The following CACNA1C variants were observed in gnomAD, a reference collection of about 807,000 sequenced individuals.
The protein encoded by CACNA1C is voltage-dependent L-type calcium channel subunit alpha-1C.
CACNA1C carries 30 observed loss-of-function variants against 229.0 expected under a neutral mutation model. The observed-to-expected ratio is 0.13, with a 90% CI of 0.10 to 0.18. The LOEUF is 0.18. Ranked by LOEUF, CACNA1C falls within the 10% of genes least tolerant of loss-of-function variation. The probability of loss-of-function intolerance (pLI) is 1.00; values close to 1 mark genes in which losing one functional copy is unlikely to be tolerated. For synonymous variants in CACNA1C, 1,114 were observed against 1,132.5 expected (o/e 0.98, Z 0.33); for missense variants, 1,658 against 2,845.0 (o/e 0.58, Z 9.49).
Position 2,688,497 on chromosome 12 carries a change from T to G in CACNA1C, c.5835T>G (p.Pro1945=). ...LSPLLQRSHS[P]ASFPRPFATP... ...CCCTCCTCCAGAGAAGCCATTCCCCTGCCTCATTCCCTAGGCCTTTTGCCA... is the reference window on the plus strand; with the variant it reads ...CCCTCCTCCAGAGAAGCCATTCCCCGGCCTCATTCCCTAGGCCTTTTGCCA... Residue 1945 remains proline (P), a synonymous_variant, in exon 46 of 47, where the codon CCT becomes CCG. Transcript: ENST00000399655. The G allele has an allele frequency of 6.2e-7, 1 of 1,613,866 alleles. No homozygotes were observed. The highest frequency in any genetic ancestry group is 8.5e-7 in the Non-Finnish European group (1 of 1,179,868).
intron 3 of CACNA1C, among the ~76,000 whole-genome samples, chr12:2,376,856 G>A (rs1219648254): frequency 6.6e-6 from 1 of 152,160 alleles, no homozygotes; most frequent in Admixed American, 6.5e-5. Context: ...GGTGAAAGAT[G>A]GTGGTGCCCT....
chr12:2,582,203 A>G (rs746202632), intron 14 of CACNA1C, among the ~76,000 whole-genome samples: 5 of 152,098 alleles, frequency 3.3e-5, no homozygotes, highest in Non-Finnish European at 7.4e-5. Flanking sequence ...ATGAAAGCCC[A>G]AAACATAAAG....
chr12:1,987,750 A>G (rs1348813653), intron 1 of CACNA1C, among the ~76,000 whole-genome samples: 1 of 152,168 alleles, frequency 6.6e-6, no homozygotes, highest in Non-Finnish European at 1.5e-5. Flanking sequence ...TCCTTCCAAT[A>G]TAATGCTTTC....
intron 3 of CACNA1C, among the ~76,000 whole-genome samples, chr12:2,421,319 A>G (rs1315356884): frequency 1.4e-4 from 22 of 152,238 alleles, no homozygotes; most frequent in Admixed American, 1.4e-3. Context: ...AAGGAAAAGC[A>G]AGACTCAGTC....
chr12:2,230,198 G>C (rs1348650951), intron 3 of CACNA1C, among the ~76,000 whole-genome samples: 3 of 152,146 alleles, frequency 2.0e-5, no homozygotes, highest in Non-Finnish European at 2.9e-5. Flanking sequence ...GGCTGCTGCC[G>C]AGCTCCGCAG....
chr12:2,661,280 TACAC>T (rs1210712672), intron 34 of CACNA1C, among the ~76,000 whole-genome samples: 4,260 of 123,432 alleles, frequency 0.035, 173 homozygotes, highest in African/African-American at 0.13. Context: ...TACACACACA[TACAC>T]ACACACACAC....
intron 9 of CACNA1C, among the ~76,000 whole-genome samples, chr12:2,535,638 T>G (rs1353910617): frequency 6.9e-6 from 1 of 145,120 alleles, no homozygotes; most frequent in African/African-American, 2.6e-5. Context: ...CCCGGGAGTT[T>G]TAGGCTGCTG....
chr12:2,641,908 G>T, intron 30 of CACNA1C: 1 of 644,234 alleles, frequency 1.6e-6, no homozygotes, highest in South Asian at 1.7e-5. Context: ...CCTAGAAGTG[G>T]GATGAAGCAT....
chr12:2,442,032 G>A (rs974274322), intron 3 of CACNA1C, among the ~76,000 whole-genome samples: 32 of 152,174 alleles, frequency 2.1e-4, no homozygotes, highest in Non-Finnish European at 4.1e-4. Flanking sequence ...AATAGACCCA[G>A]AGAAGTAGAG....
At position 2,661,280 on chromosome 12, in the gene CACNA1C, T is replaced by TACACACACACACACACAC. The variant is rs1210712672; in HGVS notation, c.4233-3527_4233-3510dup. On this transcript the variant is annotated intron_variant, in intron 34 of 46. Coordinates refer to ENST00000399655, the MANE Select transcript of CACNA1C (RefSeq NM_000719.7). The stretch of plus-strand genomic sequence containing the variant: ...CCATCTCTAAACACATACACACACA[T>TACACACACACACACACAC]ACACACACACACACACACACACACA... 7.5e-3 allele frequency among the ~76,000 whole-genome samples: 925 copies of TACACACACACACACACAC among 123,412 alleles called. 10 individuals carry two copies. The highest frequency in any genetic ancestry group is 0.026 in the South Asian group (94 of 3,566). 81.0% of individuals were successfully genotyped at this position (123,412 alleles called of 152,430 possible). A position where few individuals can be genotyped will look rare whatever the true frequency, so the allele number is the denominator to read the frequency against.
At chr12:2,290,460 A>G (rs777675641) in intron 3 of CACNA1C, among the ~76,000 whole-genome samples, 54 of 152,182 alleles carry the variant, frequency 3.5e-4, no homozygotes, top group Non-Finnish European at 5.4e-4. Flanking sequence ...GGATATGTAT[A>G]AGAATGAGGG....
At chr12:1,984,200 C>T (rs970229094) in intron 1 of CACNA1C, among the ~76,000 whole-genome samples, 2 of 152,014 alleles carry the variant, frequency 1.3e-5, no homozygotes, top group African/African-American at 4.8e-5. Flanking sequence ...CTCTTTTAAT[C>T]ACTATGTTAG....
At chr12:2,284,793 A>G (rs1452511426) in intron 3 of CACNA1C, among the ~76,000 whole-genome samples, 1 of 152,196 alleles carries the variant, frequency 6.6e-6, no homozygotes, top group East Asian at 1.9e-4. Context: ...GCCTTGTTCC[A>G]GTGTGAGTCT....
intron 9 of CACNA1C, among the ~76,000 whole-genome samples, chr12:2,540,626 A>G (rs2099867548): frequency 6.6e-6 from 1 of 152,174 alleles, no homozygotes; most frequent in African/African-American, 2.4e-5. Flanking sequence ...GACTGTGCTG[A>G]CAAAGACAGG....
At chr12:2,668,091 GCATCTC>G (rs2096322500) in intron 37 of CACNA1C, among the ~76,000 whole-genome samples, 1 of 151,654 alleles carries the variant, frequency 6.6e-6, no homozygotes, top group Non-Finnish European at 1.5e-5. Context: ...AGGACATGTA[GCATCTC>G]CTGCAGGCAA....
intron 3 of CACNA1C, among the ~76,000 whole-genome samples, chr12:2,148,411 A>G (rs1017243486): frequency 2.6e-5 from 4 of 151,320 alleles, no homozygotes; most frequent in African/African-American, 9.7e-5. Context: ...TGTATATTTG[A>G]TCAAACTCTT....
At chr12:2,454,033 C>T (rs1810388915) in intron 4 of CACNA1C, among the ~76,000 whole-genome samples, 1 of 152,210 alleles carries the variant, frequency 6.6e-6, no homozygotes, top group African/African-American at 2.4e-5. Flanking sequence ...GGGGCCCTGC[C>T]AGCTCCTGAT....
chr12:2,529,972 G>A (rs1326594117), intron 9 of CACNA1C, among the ~76,000 whole-genome samples: 1 of 152,204 alleles, frequency 6.6e-6, no homozygotes, highest in Admixed American at 6.5e-5. Context: ...TTCAAAGGGG[G>A]CAGAGGTTTG....
chr12:2,626,790 C>T (rs1277843525), intron 29 of CACNA1C, among the ~76,000 whole-genome samples: 1 of 152,180 alleles, frequency 6.6e-6, no homozygotes, highest in Non-Finnish European at 1.5e-5. Context: ...TTCATCTGCT[C>T]TCAGTGGGGA....
Sources: allele counts gnomAD v4.1 joint callset (sites outside exome capture counted in the v4.1 genomes callset), GRCh38; gene constraint gnomAD v4.1.1; transcripts MANE v1.5; gene names NCBI Gene and HGNC (gene_info 2026-07-23, HGNC 2026-07-21).